The following EGFLAM variants were observed in gnomAD, a reference collection of about 807,000 sequenced individuals.
The protein encoded by EGFLAM is pikachurin.
A neutral mutation model predicts 113.1 loss-of-function variants in EGFLAM; 79 were observed. The observed-to-expected ratio is 0.70, with a 90% CI of 0.58 to 0.84. EGFLAM has a LOEUF of 0.84. EGFLAM is among the 40% of genes least tolerant of loss of function. The probability of loss-of-function intolerance (pLI) is 0.00; values close to 1 mark genes in which losing one functional copy is unlikely to be tolerated. For synonymous variants in EGFLAM, 504 were observed against 487.6 expected (o/e 1.03, Z -0.44); for missense variants, 1,265 against 1,291.6 (o/e 0.98, Z 0.32).
rs532127842 is a variant in EGFLAM, at chr5:38,355,277, C to T, written c.545+2946C>T. Among the ~76,000 whole-genome samples the T allele has an allele frequency of 9.2e-5, 14 of 152,302 alleles. No homozygotes were observed. The South Asian group carries it at 2.3e-3, about 25-fold the overall frequency. On this transcript the variant is annotated intron_variant, in intron 5 of 21. Transcript: ENST00000322350. ...CATGAAAAAGACAGGAGACATGGAT[C>T]CACTGGCTTCTTCCTCCTCTGTCCT...
chr5:38,438,225 AC>A (rs763955946), intron 16 of EGFLAM, 49 bp from the exon 17 acceptor site: 1 of 1,583,262 alleles, frequency 6.3e-7, no homozygotes, highest in African/African-American at 1.3e-5. Flanking sequence ...TTAGAAGACT[AC>A]AAAGATGTTT....
In EGFLAM at chr5:38,258,849, C is replaced by A. The variant is rs1369937797; in HGVS notation, c.95C>A (p.Pro32Gln). The A allele has an allele frequency of 1.2e-6, 2 of 1,611,556 alleles. No homozygotes were observed. The highest frequency in any genetic ancestry group is 1.1e-5 in the South Asian group (1 of 90,954). Residue 32 changes from proline (P) to glutamine (Q), a missense_variant and splice_region_variant, in exon 1 of 22, where the codon CCA becomes CAA. By Grantham distance (76) the Pro-to-Gln change is moderately conservative (BLOSUM62 -1). Transcript: ENST00000322350. ...AVSLRAAIRK[P>Q]GKVGPPLDIK... ...TCGCTCCGAGCGGCCATCCGAAAACCAGGTAATGCGCTCCTCCGCCCAGAG... is the reference window on the plus strand; with the variant it reads ...TCGCTCCGAGCGGCCATCCGAAAACAAGGTAATGCGCTCCTCCGCCCAGAG...
In EGFLAM at chr5:38,258,835, G is replaced by A. The variant is rs752736075; in HGVS notation, c.81G>A (p.Ala27=). The A allele has an allele frequency of 6.2e-7, 1 of 1,611,872 alleles. No individual in the cohort carries two copies. The highest frequency in any genetic ancestry group is 1.1e-5 in the South Asian group (1 of 91,010). ...GACCCGGCGCGGTGTCGCTCCGAGC[G>A]GCCATCCGAAAACCAGGTAATGCGC... ...SLGPGAVSLR[A]AIRKPGKVGP... Residue 27 remains alanine, a synonymous_variant, in exon 1 of 22, where the codon GCG becomes GCA. Transcript: ENST00000322350.
intron 1 of EGFLAM, among the ~76,000 whole-genome samples, chr5:38,320,526 T>C (rs1321292828): frequency 6.6e-6 from 1 of 152,194 alleles, no homozygotes; most frequent in African/African-American, 2.4e-5. Context: ...CCTCCAATTG[T>C]TAAATGATTG....
At chr5:38,427,983 G>A (rs1742071542) in intron 14 of EGFLAM, among the ~76,000 whole-genome samples, 1 of 152,196 alleles carries the variant, frequency 6.6e-6, no homozygotes, top group Non-Finnish European at 1.5e-5. Context: ...GGTAGATGCA[G>A]ACGCTTTTAT....
intron 1 of EGFLAM, among the ~76,000 whole-genome samples, chr5:38,316,458 T>C (rs933759996): frequency 1.3e-5 from 2 of 152,318 alleles, no homozygotes; most frequent in South Asian, 2.1e-4. Flanking sequence ...TTTCTCAGAT[T>C]CCTCACTCCT....
At position 38,370,319 on chromosome 5, in the gene EGFLAM, C is replaced by T; in HGVS notation, c.569C>T (p.Thr190Ile). Residue 190 changes from threonine (T) to isoleucine (I), a missense_variant, in exon 6 of 22, where the codon ACC becomes ATC. Thr to Ile is a moderately conservative substitution (Grantham distance 89, BLOSUM62 -1). Transcript: ENST00000322350. Reference sequence around the variant, plus strand: ...AGGCCAGATTTCGACAAGAAGTGGACCTCAATCCATGAGCGGATCCAGATG... The same window carrying T: ...AGGCCAGATTTCGACAAGAAGTGGATCTCAATCCATGAGCGGATCCAGATG... ...FIRPDFDKKW[T>I]SIHERIQMDS... The T allele has an allele frequency of 6.2e-7, 1 of 1,614,070 alleles. No individual in the cohort carries two copies. Among genetic ancestry groups the T allele is most frequent in the Non-Finnish European group, 8.5e-7 (1 of 1,179,926 alleles).
intron 21 of EGFLAM, 84 bp from the exon 22 acceptor site, chr5:38,463,748 C>T: frequency 1.3e-6 from 2 of 1,550,132 alleles, no homozygotes; most frequent in East Asian, 2.3e-5. Flanking sequence ...AGCAGCCATT[C>T]AAGTGCCCCA....
intron 5 of EGFLAM, among the ~76,000 whole-genome samples, chr5:38,369,051 A>G (rs1740139981): frequency 1.3e-5 from 2 of 152,122 alleles, no homozygotes; most frequent in Middle Eastern, 3.4e-3. Flanking sequence ...ATTATTTCCA[A>G]CTTTTATCTT....
chr5:38,401,556 G>A (rs191332701), intron 6 of EGFLAM, among the ~76,000 whole-genome samples: 194 of 152,220 alleles, frequency 1.3e-3, no homozygotes, highest in African/African-American at 4.3e-3. Context: ...GACAGGATTG[G>A]TGGCAGTTTT....
intron 20 of EGFLAM, among the ~76,000 whole-genome samples, chr5:38,458,972 CA>C (rs1300336213): frequency 0.028 from 3,672 of 133,036 alleles, 132 homozygotes; most frequent in African/African-American, 0.086. Context: ...GACCCCATCT[CA>C]AAAAAAAAAA....
intron 17 of EGFLAM, among the ~76,000 whole-genome samples, chr5:38,440,157 C>T (rs917793497): frequency 6.6e-6 from 1 of 152,128 alleles, no homozygotes; most frequent in Non-Finnish European, 1.5e-5. Context: ...TGGATGACGG[C>T]AGAGGGAACT....
intron 20 of EGFLAM, among the ~76,000 whole-genome samples, chr5:38,459,319 T>C (rs1326505263): frequency 1.3e-5 from 2 of 151,136 alleles, no homozygotes; most frequent in Non-Finnish European, 2.9e-5. Context: ...TTTTTTTTTT[T>C]ACACATTACC....
chr5:38,306,249 A>T (rs1021676908), intron 1 of EGFLAM, among the ~76,000 whole-genome samples: 1 of 152,154 alleles, frequency 6.6e-6, no homozygotes, highest in Non-Finnish European at 1.5e-5. Flanking sequence ...TGATTTTTTT[A>T]AAAAGAGAGA....
chr5:38,292,382 A>G (rs1366342640), intron 1 of EGFLAM, among the ~76,000 whole-genome samples: 1 of 152,190 alleles, frequency 6.6e-6, no homozygotes, highest in Non-Finnish European at 1.5e-5. Flanking sequence ...TGTGTTTGTC[A>G]CTGCTGCTTA....
At chr5:38,455,058 T>C (rs1039276656) in intron 19 of EGFLAM, among the ~76,000 whole-genome samples, 2 of 152,204 alleles carry the variant, frequency 1.3e-5, no homozygotes, top group African/African-American at 4.8e-5. Context: ...TTGTGAACAT[T>C]GCTTGACTGT....
intron 1 of EGFLAM, among the ~76,000 whole-genome samples, chr5:38,318,325 T>C (rs1212636865): frequency 1.3e-5 from 2 of 151,386 alleles, no homozygotes; most frequent in Non-Finnish European, 2.9e-5. Flanking sequence ...TATATTATAC[T>C]ATCTGACTAT....
At chr5:38,403,899 T>C in intron 6 of EGFLAM, 1 of 1,613,858 alleles carries the variant, frequency 6.2e-7, no homozygotes, top group South Asian at 1.1e-5. Flanking sequence ...CAGGTATAAA[T>C]CTGGCATCGA....
Position 38,427,270 on chromosome 5 carries a change from C to G in EGFLAM, c.2054+18C>G, listed in dbSNP as rs766082983. 24 of 1,606,898 alleles carry G rather than the reference C, an allele frequency of 1.5e-5. No individual in the cohort carries two copies. The highest frequency in any genetic ancestry group is 2.0e-5 in the Non-Finnish European group (23 of 1,176,990). On this transcript the variant is annotated intron_variant, in intron 14 of 21. Coordinates refer to ENST00000322350, the MANE Select transcript of EGFLAM (RefSeq NM_152403.4). ...GTCCTCAGGTGAGGGCTGAAAACTTCTGGGACTCTTTCCCTTAAAAAGGCA... is the reference window on the plus strand; with the variant it reads ...GTCCTCAGGTGAGGGCTGAAAACTTGTGGGACTCTTTCCCTTAAAAAGGCA...
Sources: gnomAD v4.1 joint callset for allele counts (sites outside exome capture counted in the v4.1 genomes callset) on GRCh38, gnomAD v4.1.1 for gene constraint, MANE v1.5 for transcripts, NCBI Gene and HGNC (gene_info 2026-07-23, HGNC 2026-07-21) for gene names.